XKR4: variants seen among roughly 807,000 people sequenced by gnomAD.
XKR4 encodes the protein XK-related protein 4.
XKR4 carries 12 observed loss-of-function variants against 53.9 expected under a neutral mutation model. That is an observed-to-expected ratio of 0.22 (90% CI 0.14 to 0.36). XKR4 has a LOEUF of 0.36. Among genes scored for constraint, XKR4 ranks in the 10% least tolerant of loss-of-function variants. The pLI, the probability that XKR4 is intolerant of heterozygous loss-of-function variation, is 1.00. For synonymous variants in XKR4, 354 were observed against 362.4 expected (o/e 0.98, Z 0.26); for missense variants, 799 against 859.5 (o/e 0.93, Z 0.88).
chr8:55,186,757 C>T (rs1051141876), intron 1 of XKR4, among the ~76,000 whole-genome samples: 8 of 151,788 alleles, frequency 5.3e-5, no homozygotes, highest in African/African-American at 1.9e-4. Flanking sequence ...ACTTTTTTTT[C>T]CACACTCAGA....
chr8:55,475,886 C>G (rs1805976791), intron 2 of XKR4, among the ~76,000 whole-genome samples: 2 of 152,014 alleles, frequency 1.3e-5, no homozygotes, highest in South Asian at 4.2e-4. Context: ...CAGGCATGAG[C>G]CACCACACCC....
chr8:55,255,678 A>C (rs1818429164), intron 1 of XKR4, among the ~76,000 whole-genome samples: 1 of 152,196 alleles, frequency 6.6e-6, no homozygotes, highest in South Asian at 2.1e-4. Flanking sequence ...TTGTAATTAA[A>C]CATAAAAGTA....
chr8:55,303,269 CT>C (rs1819233195), intron 1 of XKR4, among the ~76,000 whole-genome samples: 1 of 152,040 alleles, frequency 6.6e-6, no homozygotes, highest in South Asian at 2.1e-4. Context: ...TGGTTTTTGT[CT>C]TTGGTTCTGT....
intron 2 of XKR4, among the ~76,000 whole-genome samples, chr8:55,417,079 G>A (rs1350161412): frequency 1.3e-5 from 2 of 152,208 alleles, no homozygotes; most frequent in Non-Finnish European, 2.9e-5. Context: ...GGCATCAGAG[G>A]TGTTAAAGGT....
intron 2 of XKR4, among the ~76,000 whole-genome samples, chr8:55,388,528 A>G (rs1804366017): frequency 6.6e-6 from 1 of 152,328 alleles, no homozygotes; most frequent in Admixed American, 6.5e-5. Flanking sequence ...CTGGTTCCTC[A>G]TTCATAAGTG....
At chr8:55,451,761 G>A (rs1805450908) in intron 2 of XKR4, 4 of 1,105,304 alleles carry the variant, frequency 3.6e-6, no homozygotes, top group South Asian at 2.6e-5. Flanking sequence ...GGCTCAGGCG[G>A]CTGCTCAGGG....
At position 55,218,762 on chromosome 8, in the gene XKR4, A is replaced by G. The variant is rs146783127; in HGVS notation, c.806+115468A>G. ...CTTTGAAGTAAGTATAAATTTGAAC[A>G]AACAGTAGATAATGATTCTACAGTT... On this transcript the variant is annotated intron_variant, in intron 1 of 2. Coordinates refer to ENST00000327381, the MANE Select transcript of XKR4 (RefSeq NM_052898.2). Among the ~76,000 whole-genome samples the G allele has an allele frequency of 2.3e-3, 347 of 152,348 alleles. 1 individual carries two copies. The highest frequency in any genetic ancestry group is 7.8e-3 in the African/African-American group (325 of 41,576).
At chr8:55,455,120 T>C in intron 2 of XKR4, 1 of 636,116 alleles carries the variant, frequency 1.6e-6, no homozygotes, top group Non-Finnish European at 2.9e-6. Flanking sequence ...CAGCAGGAAG[T>C]AGTCTGTGAT....
chr8:55,154,892 TCACTATAAAA>T (rs1816884432), intron 1 of XKR4, among the ~76,000 whole-genome samples: 1 of 152,144 alleles, frequency 6.6e-6, no homozygotes, highest in African/African-American at 2.4e-5. Flanking sequence ...CTGGGAAGGA[TCACTATAAAA>T]TTTATATTCA....
intron 2 of XKR4, among the ~76,000 whole-genome samples, chr8:55,376,432 GA>G (rs1804152954): frequency 6.6e-6 from 1 of 152,138 alleles, no homozygotes; most frequent in Non-Finnish European, 1.5e-5. Flanking sequence ...TGATTGGCAT[GA>G]GATAGTATCT....
At chr8:55,171,779 A>AT (rs1200455038) in intron 1 of XKR4, among the ~76,000 whole-genome samples, 1 of 151,898 alleles carries the variant, frequency 6.6e-6, no homozygotes, top group African/African-American at 2.4e-5. Flanking sequence ...AGCCAAGTTT[A>AT]TGTCGCCTTC....
At chr8:55,382,157 A>G (rs929730804) in intron 2 of XKR4, among the ~76,000 whole-genome samples, 1 of 152,232 alleles carries the variant, frequency 6.6e-6, no homozygotes, top group Non-Finnish European at 1.5e-5. Context: ...AGGAAAAACA[A>G]TAATTATTTT....
intron 2 of XKR4, among the ~76,000 whole-genome samples, chr8:55,501,567 G>A (rs370486268): frequency 6.6e-6 from 1 of 152,068 alleles, no homozygotes; most frequent in Non-Finnish European, 1.5e-5. Flanking sequence ...TTGTCTTTTT[G>A]TGACTGACTT....
chr8:55,314,114 G>A (rs1288450304), intron 1 of XKR4, among the ~76,000 whole-genome samples: 1 of 152,178 alleles, frequency 6.6e-6, no homozygotes, highest in East Asian at 1.9e-4. Flanking sequence ...AGCACCAGAT[G>A]GAAATTCCAT....
At chr8:55,284,650 C>G (rs1818883067) in intron 1 of XKR4, among the ~76,000 whole-genome samples, 1 of 152,106 alleles carries the variant, frequency 6.6e-6, no homozygotes, top group Admixed American at 6.5e-5. Context: ...AACCACAATG[C>G]CTTTTATGTC....
At chr8:55,276,434 A>T (rs141869695) in intron 1 of XKR4, among the ~76,000 whole-genome samples, 135 of 152,366 alleles carry the variant, frequency 8.9e-4, no homozygotes, top group African/African-American at 3.1e-3. Context: ...ATACAACAAT[A>T]GCGATAACCA....
chr8:55,339,659 G>A (rs1563327762), intron 1 of XKR4, among the ~76,000 whole-genome samples: 1 of 152,154 alleles, frequency 6.6e-6, no homozygotes, highest in African/African-American at 2.4e-5. Flanking sequence ...AAAACAGGAG[G>A]ACGTAGGCAG....
At chr8:55,400,022 A>T (rs1354123839) in intron 2 of XKR4, among the ~76,000 whole-genome samples, 2 of 152,084 alleles carry the variant, frequency 1.3e-5, no homozygotes, top group Non-Finnish European at 2.9e-5. Flanking sequence ...AAAAACTTGC[A>T]CTCAAGGGCA....
intron 2 of XKR4, among the ~76,000 whole-genome samples, chr8:55,495,367 G>C (rs1022668543): frequency 2.0e-5 from 3 of 152,198 alleles, no homozygotes; most frequent in African/African-American, 7.2e-5. Flanking sequence ...AGGAGCTCCC[G>C]CCCCACCCAC....
Sources: gnomAD v4.1 joint callset for allele counts (sites outside exome capture counted in the v4.1 genomes callset) on GRCh38, gnomAD v4.1.1 for gene constraint, MANE v1.5 for transcripts, NCBI Gene and HGNC (gene_info 2026-07-23, HGNC 2026-07-21) for gene names.